The following ADARB1 variants were observed in gnomAD, a reference collection of about 807,000 sequenced individuals.
ADARB1 encodes double-stranded RNA-specific editase 1.
A neutral mutation model predicts 52.4 loss-of-function variants in ADARB1; 10 were observed. The ratio of observed to expected loss-of-function variants is 0.19; its 90% CI spans 0.12 to 0.32. ADARB1 has a LOEUF of 0.32. ADARB1 is among the 10% of genes least tolerant of loss of function. The probability of loss-of-function intolerance (pLI) is 1.00; values close to 1 mark genes in which losing one functional copy is unlikely to be tolerated. For synonymous variants in ADARB1, 349 were observed against 371.1 expected, an observed-to-expected ratio of 0.94 and a Z score of 0.68; for missense variants, 643 against 922.3, an observed-to-expected ratio of 0.70 and a Z score of 3.92.
At chr21:45,199,518 C>G (rs2092503084) in intron 8 of ADARB1, among the ~76,000 whole-genome samples, 1 of 152,176 alleles carries the variant, frequency 6.6e-6, no homozygotes, top group Non-Finnish European at 1.5e-5. Flanking sequence ...TAGCCAACGA[C>G]CAGTCCTGGA....
chr21:45,134,411 TGGTGTGTGCGCCCGACG>T (rs1376447107), intron 2 of ADARB1, among the ~76,000 whole-genome samples: 1 of 121,026 alleles, frequency 8.3e-6, no homozygotes, highest in Non-Finnish European at 1.8e-5. Context: ...TGCCCGACAG[TGGTGTGTGCGCCCGACG>T]GGTGTGTGCG....
rs1422470737 is a variant in ADARB1 at position 45,134,940 on chromosome 21, A to T, written c.-48+6367A>T. The T allele has an allele frequency of 9.4e-6, 4 of 424,582 alleles. No homozygotes were observed. The East Asian group carries it at 2.8e-4, about 30-fold the overall frequency. The allele number at this position is 424,582 out of a possible 1,614,324, so 26.3% of individuals were successfully genotyped here. A position where few individuals can be genotyped will look rare whatever the true frequency, so the allele number is the denominator to read the frequency against. On this transcript the variant is annotated intron_variant, in intron 2 of 10. Coordinates refer to ENST00000348831, the MANE Select transcript of ADARB1 (RefSeq NM_001112.4). ...TGCCTGGGCAGAGCCACCTCTGCAG[A>T]TGCCCAGGTGGGTCTCCTGGGGCAG...
rs142476560 is a variant in ADARB1 at position 45,176,560 on chromosome 21, C to T, written c.859C>T (p.Arg287Trp). 6.2e-7 allele frequency: 1 copy of T among 1,614,202 alleles called. No homozygotes were observed. The highest frequency in any genetic ancestry group is 8.5e-7 in the Non-Finnish European group (1 of 1,180,042). ...SGRNKKLAKA[R>W]AAQSALAAIF... Reference sequence around the variant, plus strand: ...GAGAAACAAGAAGCTTGCCAAGGCCCGGGCTGCGCAGTCTGCCCTGGCCGC... The same window carrying T: ...GAGAAACAAGAAGCTTGCCAAGGCCTGGGCTGCGCAGTCTGCCCTGGCCGC... Residue 287 changes from arginine to tryptophan, a missense_variant, in exon 4 of 11, where the codon CGG becomes TGG. Physicochemically the swap from Arg to Trp is moderately radical, Grantham distance 101 (BLOSUM62 -3). Coordinates refer to ENST00000348831, the MANE Select transcript of ADARB1 (RefSeq NM_001112.4). The surrounding 1 kb of genome is among the most constrained non-coding windows in gnomAD (Gnocchi z 5.8).
rs1420920674 is a variant in ADARB1 at position 45,185,053 on chromosome 21, G to A, written c.1527G>A (p.Glu509=). 2.5e-6 allele frequency: 4 copies of A among 1,614,094 alleles called. No homozygotes were observed. The highest frequency in any genetic ancestry group is 3.4e-6 in the Non-Finnish European group (4 of 1,180,032). ...IQTWDGVLQG[E]RLLTMSCSDK... is the part of the protein sequence containing the mutation. ...CGTGGGACGGGGTGCTGCAAGGGGA[G>A]CGGCTGCTCACCATGTCCTGCAGTG... The change falls in exon 8 of 11, where the codon GAG becomes GAA. Residue 509 remains glutamate (E), a synonymous_variant. Transcript: ENST00000348831.
At chr21:45,212,018 TTAAAA>T (rs980827859) in intron 9 of ADARB1, among the ~76,000 whole-genome samples, 13 of 152,006 alleles carry the variant, frequency 8.6e-5, no homozygotes, top group African/African-American at 2.7e-4. Context: ...TTGATTTAAC[TTAAAA>T]TATAAAAAAT....
Position 45,176,148 on chromosome 21 carries a change from T to A in ADARB1, c.447T>A (p.Ser149=). 2 of 1,614,222 alleles carry A rather than the reference T, an allele frequency of 1.2e-6. No individual in the cohort carries two copies. Among genetic ancestry groups the A allele is most frequent in the South Asian group, 2.2e-5 (2 of 91,078 alleles). The change falls in exon 4 of 11, where the codon TCT becomes TCA. Residue 149 remains serine, a synonymous_variant. Coordinates refer to ENST00000348831, the MANE Select transcript of ADARB1 (RefSeq NM_001112.4). This position sits in a 1 kb window ranked among gnomAD's most constrained non-coding sequence, Gnocchi z 5.8. ...LRSFVQFPNA[S]EAHLAMGRTL... is the part of the protein sequence containing the mutation. ...CTTTCGTTCAGTTTCCTAATGCCTC[T>A]GAGGCCCACCTGGCCATGGGGAGGA...
chr21:45,170,651 G>T (rs1288784265), intron 2 of ADARB1, among the ~76,000 whole-genome samples: 6 of 151,794 alleles, frequency 4.0e-5, no homozygotes, highest in Non-Finnish European at 7.4e-5. Context: ...GTACATTTTA[G>T]TCACCATTTT....
intron 8 of ADARB1, among the ~76,000 whole-genome samples, chr21:45,193,086 C>G (rs1268303347): frequency 6.6e-6 from 1 of 152,208 alleles, no homozygotes; most frequent in Admixed American, 6.5e-5. Flanking sequence ...CCAACTCATT[C>G]TGTGAGGCCA....
At position 45,142,862 on chromosome 21, in the gene ADARB1, G is replaced by A. The variant is rs2089802303; in HGVS notation, c.-48+14289G>A. Among the ~76,000 whole-genome samples the A allele has an allele frequency of 6.6e-6, 1 of 152,192 alleles. No individual in the cohort carries two copies. Among genetic ancestry groups the A allele is most frequent in the Admixed American group, 6.5e-5 (1 of 15,292 alleles). On this transcript the variant is annotated intron_variant, in intron 2 of 10. Transcript: ENST00000348831. The surrounding 1 kb of genome is among the most constrained non-coding windows in gnomAD (Gnocchi z 4.0). ...CTTGGCTAATAGAAGAGGGAGCAGG[G>A]CTTTGACCAGGGGGACCAGCTAGTG...
chr21:45,184,596 A>G (rs1162508555), intron 7 of ADARB1: 1 of 334,360 alleles, frequency 3.0e-6, no homozygotes, highest in South Asian at 2.4e-5. Context: ...GACTACAGGC[A>G]TGTACCACTA....
chr21:45,224,234 T>C lies in ADARB1; in HGVS notation c.*2037T>C. The C allele has an allele frequency of 2.0e-6, 2 of 985,466 alleles. No homozygotes were observed. Among genetic ancestry groups the C allele is most frequent in the Non-Finnish European group, 2.4e-6 (2 of 829,954 alleles). The allele number at this position is 985,466 out of a possible 1,614,324, so 61.0% of individuals were successfully genotyped here. On this transcript the variant is annotated 3_prime_UTR_variant, in exon 11 of 11. Coordinates refer to ENST00000348831, the MANE Select transcript of ADARB1 (RefSeq NM_001112.4). ...CCAAGTTTAGTGTTAATATATTCCA[T>C]ATACATACAAAACTACCCGGTATGT...
intron 2 of ADARB1, among the ~76,000 whole-genome samples, chr21:45,144,048 T>C (rs906873815): frequency 6.6e-6 from 1 of 152,250 alleles, no homozygotes; most frequent in Admixed American, 6.5e-5. Flanking sequence ...TACTGGTACA[T>C]AGTAGATGCT....
At position 45,222,194 on chromosome 21, in the gene ADARB1, C is replaced by T; in HGVS notation, c.2103C>T (p.Pro701=). Residue 701 remains proline (P), a synonymous_variant, in exon 11 of 11, where the codon CCC becomes CCT. Coordinates refer to ENST00000348831, the MANE Select transcript of ADARB1 (RefSeq NM_001112.4). ...PTEQDQFSLT[P] ...AGCAGGACCAGTTCTCACTCACGCCCTGACCCGGGCAGACATGATGGGGGG... is the reference window on the plus strand; with the variant it reads ...AGCAGGACCAGTTCTCACTCACGCCTTGACCCGGGCAGACATGATGGGGGG... 1 of 1,563,388 alleles carries T rather than the reference C, an allele frequency of 6.4e-7. No individual in the cohort carries two copies. The highest frequency in any genetic ancestry group is 8.6e-7 in the Non-Finnish European group (1 of 1,158,532).
In ADARB1 at chr21:45,225,178, C is replaced by T; in HGVS notation, c.*2981C>T. 9.6e-7 allele frequency: 1 copy of T among 1,039,128 alleles called. No homozygotes were observed. Among genetic ancestry groups the T allele is most frequent in the Non-Finnish European group, 1.2e-6 (1 of 865,986 alleles). 64.4% of individuals were successfully genotyped at this position (1,039,128 alleles called of 1,614,324 possible). A position where few individuals can be genotyped will look rare whatever the true frequency, so the allele number is the denominator to read the frequency against. On this transcript the variant is annotated 3_prime_UTR_variant, in exon 11 of 11. Transcript: ENST00000348831. The stretch of plus-strand genomic sequence containing the variant: ...CAGCTCTGCCAGGGACAGAGTCCTG[C>T]TAGTGGGAGGTCTCAGGTGGGGCGG...
chr21:45,075,296 C>G (rs1007679668), intron 1 of ADARB1, among the ~76,000 whole-genome samples: 3 of 150,098 alleles, frequency 2.0e-5, no homozygotes, highest in African/African-American at 7.4e-5. Flanking sequence ...GGCTATGTCC[C>G]TGGGGAGACG....
rs996355214 is a variant in ADARB1, at chr21:45,224,525, G to C, written c.*2328G>C. On this transcript the variant is annotated 3_prime_UTR_variant, in exon 11 of 11. Coordinates refer to ENST00000348831, the MANE Select transcript of ADARB1 (RefSeq NM_001112.4). ...GCAGCTGTGGGGAGGAACTGGGTTC[G>C]GGGAGCCCTGGGCGGGGCGGCTGTT... 3 of 1,074,666 alleles carry C rather than the reference G, an allele frequency of 2.8e-6. No homozygotes were observed. Among genetic ancestry groups the C allele is most frequent in the South Asian group, 2.3e-5 (1 of 42,738 alleles). The allele number at this position is 1,074,666 out of a possible 1,614,324, so 66.6% of individuals were successfully genotyped here.
At chr21:45,154,545 G>A (rs149885911) in intron 2 of ADARB1, among the ~76,000 whole-genome samples, 1,539 of 152,242 alleles carry the variant, frequency 0.01, 11 homozygotes, top group South Asian at 0.022. Flanking sequence ...CTTTTAAAAT[G>A]TAATTCTTTG....
chr21:45,152,488 C>T (rs550139457), intron 2 of ADARB1: 5 of 236,138 alleles, frequency 2.1e-5, no homozygotes, highest in African/African-American at 4.6e-5. Flanking sequence ...GCTCCCTCGT[C>T]GGTAGGGGCT....
intron 8 of ADARB1, among the ~76,000 whole-genome samples, chr21:45,195,212 C>T (rs1198471989): frequency 1.3e-5 from 2 of 152,020 alleles, no homozygotes; most frequent in Admixed American, 6.6e-5. Flanking sequence ...TCTTGAATGA[C>T]GTGTCTGTTA....
Sources: gnomAD v4.1 joint callset for allele counts (sites outside exome capture counted in the v4.1 genomes callset) on GRCh38, gnomAD v4.1.1 for gene constraint, Gnocchi (gnomAD v3.1) non-coding constraint, MANE v1.5 for transcripts, NCBI Gene and HGNC (gene_info 2026-07-23, HGNC 2026-07-21) for gene names.